Variants in RBPJ observed in about 807,000 individuals in gnomAD.
RBPJ encodes recombination signal binding protein for immunoglobulin kappa J region.
RBPJ carries 9 observed loss-of-function variants against 67.8 expected under a neutral mutation model. The observed-to-expected ratio is 0.13, with a 90% CI of 0.08 to 0.23. The LOEUF is 0.23. Among genes scored for constraint, RBPJ ranks in the 10% least tolerant of loss-of-function variants. The pLI is 1.00. For missense variants in RBPJ, 305 were observed against 595.6 expected (o/e 0.51, Z 5.08); for synonymous variants, 198 against 203.3 (o/e 0.97, Z 0.22).
chr4:26,210,752 CTTCTTTCTTTCT>C (rs762128862), intron 1 of RBPJ, among the ~76,000 whole-genome samples: 19 of 47,336 alleles, frequency 4.0e-4, no homozygotes, highest in South Asian at 2.1e-3. Context: ...TCCTTCTTTC[CTTCTTTCTTTCT>C]TTCTTTCTTT....
At chr4:26,396,125 A>G (rs917358559) in intron 2 of RBPJ, among the ~76,000 whole-genome samples, 6 of 152,352 alleles carry the variant, frequency 3.9e-5, no homozygotes, top group Non-Finnish European at 8.8e-5. Flanking sequence ...TCATCATAAG[A>G]CACCTATGAG....
chr4:26,206,688 TA>T (rs1475140312), intron 1 of RBPJ, among the ~76,000 whole-genome samples: 1 of 148,130 alleles, frequency 6.8e-6, no homozygotes, highest in Non-Finnish European at 1.5e-5. Context: ...TTTTTTTGGT[TA>T]AAGTTCAAAG....
intron 1 of RBPJ, among the ~76,000 whole-genome samples, chr4:26,325,578 T>C (rs1723540549): frequency 6.6e-6 from 1 of 152,228 alleles, no homozygotes; most frequent in Non-Finnish European, 1.5e-5. Context: ...AGAAAGTTGT[T>C]GTGAAGATTA....
At chr4:26,231,672 A>C (rs1273969010) in intron 1 of RBPJ, among the ~76,000 whole-genome samples, 1 of 151,666 alleles carries the variant, frequency 6.6e-6, no homozygotes, top group East Asian at 1.9e-4. Context: ...TCGGCCTCCC[A>C]AAGTGTTGGG....
chr4:26,116,209 T>C, the RBPJ span, among the ~76,000 whole-genome samples: 1 of 152,262 alleles, frequency 6.6e-6, no homozygotes, highest in South Asian at 2.1e-4. Flanking sequence ...GTGACTCATG[T>C]GGAGGCATCG....
rs201459063 is a variant in RBPJ at position 26,415,658 on chromosome 4, G to C, written c.321+18G>C. Reference sequence around the variant, plus strand: ...AAGGAAAGGTAAATCAAGACTGCTAGTTCACCAGAAAGGGGCACCATGGTA... The same window carrying C: ...AAGGAAAGGTAAATCAAGACTGCTACTTCACCAGAAAGGGGCACCATGGTA... On this transcript the variant is annotated intron_variant, in intron 4 of 10. Coordinates refer to ENST00000355476, the MANE Select transcript of RBPJ (RefSeq NM_015874.6). 44 of 1,587,214 alleles carry C rather than the reference G, an allele frequency of 2.8e-5. No individual in the cohort carries two copies. In the African/African-American group the frequency reaches 5.6e-4, roughly 20 times the overall value.
At chr4:26,267,025 G>A (rs972102584) in intron 1 of RBPJ, among the ~76,000 whole-genome samples, 2 of 152,118 alleles carry the variant, frequency 1.3e-5, no homozygotes, top group South Asian at 2.1e-4. Flanking sequence ...CTAAAAGCTT[G>A]CACTTTCTAG....
chr4:26,407,121 ACATT>A (rs1733497685), intron 3 of RBPJ, among the ~76,000 whole-genome samples: 1 of 152,262 alleles, frequency 6.6e-6, no homozygotes, highest in East Asian at 1.9e-4. Flanking sequence ...CTTATGTGAT[ACATT>A]AGCTTATTCA....
intron 1 of RBPJ, among the ~76,000 whole-genome samples, chr4:26,221,114 G>A (rs546678423): frequency 6.6e-6 from 1 of 152,206 alleles, no homozygotes; most frequent in Non-Finnish European, 1.5e-5. Flanking sequence ...TGTTTGAGAC[G>A]GAGTCTCGTT....
At chr4:26,422,218 T>G (rs1436146366) in intron 5 of RBPJ, among the ~76,000 whole-genome samples, 2 of 152,194 alleles carry the variant, frequency 1.3e-5, no homozygotes, top group Non-Finnish European at 2.9e-5. Flanking sequence ...CCCCTTTTTT[T>G]TTTTTGGTCA....
the RBPJ span, among the ~76,000 whole-genome samples, chr4:26,106,813 A>G: frequency 6.6e-6 from 1 of 152,092 alleles, no homozygotes; most frequent in East Asian, 1.9e-4. Context: ...TCTCCCTTAC[A>G]TCTACAGAAA....
intron 1 of RBPJ, among the ~76,000 whole-genome samples, chr4:26,187,439 G>A (rs767499785): frequency 2.0e-5 from 3 of 148,778 alleles, no homozygotes; most frequent in African/African-American, 5.0e-5. Context: ...TGACTACTAG[G>A]CTCTAAATGT....
chr4:26,331,357 G>C (rs1724232438), intron 1 of RBPJ, among the ~76,000 whole-genome samples: 1 of 152,018 alleles, frequency 6.6e-6, no homozygotes, highest in Non-Finnish European at 1.5e-5. Context: ...AAAGTGCTGG[G>C]ATTACAAGTG....
At chr4:26,302,406 A>G (rs1245295368) in intron 1 of RBPJ, among the ~76,000 whole-genome samples, 3 of 152,152 alleles carry the variant, frequency 2.0e-5, no homozygotes, top group African/African-American at 7.2e-5. Flanking sequence ...AGGAATTTCT[A>G]TTTCCAACTC....
chr4:26,399,653 T>A (rs1190973680), intron 2 of RBPJ, among the ~76,000 whole-genome samples: 2 of 152,184 alleles, frequency 1.3e-5, no homozygotes, highest in African/African-American at 4.8e-5. Flanking sequence ...TAATTTCATG[T>A]TAGTAAAATT....
intron 1 of RBPJ, chr4:26,343,024 T>C (rs1276083525): frequency 6.6e-6 from 1 of 152,210 alleles, no homozygotes; most frequent in Non-Finnish European, 1.5e-5. Flanking sequence ...TTTGTTGTTA[T>C]TCTAAGACAG....
chr4:26,373,760 A>T (rs763152515), intron 1 of RBPJ, among the ~76,000 whole-genome samples: 3 of 152,194 alleles, frequency 2.0e-5, no homozygotes, highest in Non-Finnish European at 2.9e-5. Context: ...TGTGCAGGAA[A>T]AATGCAAGAG....
intron 1 of RBPJ, among the ~76,000 whole-genome samples, chr4:26,244,138 T>C (rs1394723795): frequency 2.2e-5 from 3 of 136,826 alleles, no homozygotes; most frequent in Non-Finnish European, 3.2e-5. Flanking sequence ...AATGTATATA[T>C]ATATGTGTAC....
intron 1 of RBPJ, among the ~76,000 whole-genome samples, chr4:26,298,557 G>A (rs1050441048): frequency 2.0e-5 from 3 of 152,182 alleles, no homozygotes; most frequent in Admixed American, 6.5e-5. Flanking sequence ...ACTCTTTACA[G>A]TAAGTGAAGA....
Sources: allele counts gnomAD v4.1 joint callset (sites outside exome capture counted in the v4.1 genomes callset), GRCh38; gene constraint gnomAD v4.1.1; transcripts MANE v1.5; gene names NCBI Gene and HGNC (gene_info 2026-07-23, HGNC 2026-07-21).